Variants in ZMAT4 observed in about 807,000 individuals in gnomAD.
The protein encoded by ZMAT4 is zinc finger matrin-type protein 4.
Under a neutral mutation model 28.7 loss-of-function variants are expected in ZMAT4, and 17 were observed. The observed-to-expected ratio is 0.59, with a 90% CI of 0.41 to 0.89. The LOEUF (loss-of-function observed/expected upper bound fraction) is 0.89, where lower values mean the gene tolerates loss of function less well. Ranked by LOEUF, ZMAT4 falls within the 40% of genes least tolerant of loss-of-function variation. The pLI, the probability that ZMAT4 is intolerant of heterozygous loss-of-function variation, is 0.00. For missense variants in ZMAT4, 240 were observed against 283.8 expected (o/e 0.85, Z 1.11); for synonymous variants, 117 against 109.2 (o/e 1.07, Z -0.44).
chr8:40,570,719 A>G (rs1804069887), intron 6 of ZMAT4, among the ~76,000 whole-genome samples: 1 of 116,260 alleles, frequency 8.6e-6, no homozygotes, highest in Non-Finnish European at 1.7e-5. Context: ...AAAGAACAAC[A>G]ACGACAGAAA....
intron 2 of ZMAT4, among the ~76,000 whole-genome samples, chr8:40,812,471 G>A (rs550806661): frequency 1.9e-3 from 293 of 152,256 alleles, no homozygotes; most frequent in Non-Finnish European, 3.3e-3. Context: ...ATATTGTCAA[G>A]GTCATCCAAA....
chr8:40,532,016 A>G lies in ZMAT4; in HGVS notation c.*207T>C. On this transcript the variant is annotated 3_prime_UTR_variant, in exon 7 of 7. Coordinates refer to ENST00000297737, the MANE Select transcript of ZMAT4 (RefSeq NM_024645.3). ...GAATTTAAAAATCCATCCAAATATC[A>G]TAACTTACCCCAAAATTAAAAAAAG... is the stretch of plus-strand genomic sequence containing the variant. The G allele has an allele frequency of 2.5e-6, 1 of 405,088 alleles. No individual in the cohort carries two copies. Among genetic ancestry groups the G allele is most frequent in the Non-Finnish European group, 4.3e-6 (1 of 232,156 alleles). 25.1% of individuals were successfully genotyped at this position (405,088 alleles called of 1,614,324 possible).
intron 2 of ZMAT4, among the ~76,000 whole-genome samples, chr8:40,823,696 C>T (rs1586119353): frequency 6.6e-6 from 1 of 151,898 alleles, no homozygotes; most frequent in Admixed American, 6.6e-5. Flanking sequence ...TACATATACA[C>T]ACACACACAC....
chr8:40,896,347 C>A (rs893346323), intron 1 of ZMAT4, among the ~76,000 whole-genome samples: 1 of 152,116 alleles, frequency 6.6e-6, no homozygotes, highest in African/African-American at 2.4e-5. Context: ...TCCCCAGCTG[C>A]GGGTTTAACG....
chr8:40,821,627 CTGTTT>C lies in ZMAT4; in HGVS notation c.102+3943_102+3947del, dbSNP rs1156297585. 7.2e-5 allele frequency among the ~76,000 whole-genome samples: 11 copies of C among 152,166 alleles called. No individual in the cohort carries two copies. In the East Asian group the frequency reaches 2.1e-3, roughly 29 times the overall value. ...GTGCAGCTATTAGGCATTAACCCAT[CTGTTT>C]TGTTTTGCTCTCCTACTTTGGAAGA... On this transcript the variant is annotated intron_variant, in intron 2 of 6. Transcript: ENST00000297737.
intron 2 of ZMAT4, among the ~76,000 whole-genome samples, chr8:40,822,036 T>G (rs561630762): frequency 1.3e-5 from 2 of 152,226 alleles, no homozygotes; most frequent in Admixed American, 1.3e-4. Flanking sequence ...TATGCAAATA[T>G]CTACGAAGTT....
intron 6 of ZMAT4, among the ~76,000 whole-genome samples, chr8:40,536,318 C>T (rs1802845554): frequency 6.6e-6 from 1 of 152,192 alleles, no homozygotes; most frequent in South Asian, 2.1e-4. Context: ...TCCTCTGCAT[C>T]CCCTGCCCCA....
intron 2 of ZMAT4, among the ~76,000 whole-genome samples, chr8:40,786,449 A>ATTCATTCG (rs1318728695): frequency 1.3e-5 from 2 of 152,056 alleles, no homozygotes. Flanking sequence ...AGTACATGAC[A>ATTCATTCG]TTCATTCATT....
At chr8:40,733,888 C>T (rs553888919) in intron 3 of ZMAT4, among the ~76,000 whole-genome samples, 3 of 152,190 alleles carry the variant, frequency 2.0e-5, no homozygotes, top group East Asian at 3.9e-4. Context: ...CATCCTTGCC[C>T]TGAAGGTGCT....
chr8:40,576,964 C>T (rs141694445), intron 6 of ZMAT4, among the ~76,000 whole-genome samples: 1,701 of 152,128 alleles, frequency 0.011, 17 homozygotes, highest in African/African-American at 0.025. Context: ...GAGGCTGAGG[C>T]GGGCAGATCA....
At chr8:40,632,315 T>C (rs1192881519) in intron 5 of ZMAT4, among the ~76,000 whole-genome samples, 1 of 152,210 alleles carries the variant, frequency 6.6e-6, no homozygotes, top group East Asian at 1.9e-4. Flanking sequence ...AATAGTTTTA[T>C]AGATTTTTTT....
chr8:40,551,982 G>T (rs1055821645), intron 6 of ZMAT4, among the ~76,000 whole-genome samples: 2 of 152,128 alleles, frequency 1.3e-5, no homozygotes, highest in African/African-American at 2.4e-5. Flanking sequence ...AAATGTGCAC[G>T]CCTTAAGAAC....
intron 4 of ZMAT4, among the ~76,000 whole-genome samples, chr8:40,685,689 C>T (rs1304543496): frequency 1.3e-5 from 2 of 151,962 alleles, no homozygotes; most frequent in Non-Finnish European, 2.9e-5. Context: ...TGTGCACCAC[C>T]CACCAAGACC....
At chr8:40,662,609 A>G (rs1189938856) in intron 5 of ZMAT4, among the ~76,000 whole-genome samples, 1 of 152,188 alleles carries the variant, frequency 6.6e-6, no homozygotes, top group South Asian at 2.1e-4. Flanking sequence ...ATTAATAACA[A>G]TAACAGGCAA....
At chr8:40,702,893 G>A (rs1010361487) in intron 3 of ZMAT4, among the ~76,000 whole-genome samples, 5 of 152,142 alleles carry the variant, frequency 3.3e-5, no homozygotes, top group East Asian at 3.9e-4. Flanking sequence ...AAAGAAACAC[G>A]CATAGAGAGT....
In ZMAT4 at chr8:40,804,137, G is replaced by A. The variant is rs565338527; in HGVS notation, c.102+21438C>T. 4.6e-5 allele frequency among the ~76,000 whole-genome samples: 7 copies of A among 152,298 alleles called. No homozygotes were observed. The East Asian group carries it at 1.3e-3, about 29-fold the overall frequency. ...ATTCTTAGGGAAATACAGTTACTCT[G>A]TATGATACTATAATCCTAGACACAA... On this transcript the variant is annotated intron_variant, in intron 2 of 6. Coordinates refer to ENST00000297737, the MANE Select transcript of ZMAT4 (RefSeq NM_024645.3).
At chr8:40,848,491 G>A (rs1816988726) in intron 1 of ZMAT4, among the ~76,000 whole-genome samples, 1 of 152,194 alleles carries the variant, frequency 6.6e-6, no homozygotes, top group South Asian at 2.1e-4. Flanking sequence ...CTGGGCATGA[G>A]TCAGGCAGCT....
chr8:40,638,834 G>A (rs1341814822), intron 5 of ZMAT4, among the ~76,000 whole-genome samples: 2 of 152,208 alleles, frequency 1.3e-5, no homozygotes, highest in Non-Finnish European at 2.9e-5. Flanking sequence ...AAGGTAATAA[G>A]TATGGGGAAT....
intron 5 of ZMAT4, among the ~76,000 whole-genome samples, chr8:40,660,420 C>A (rs1029960145): frequency 1.3e-5 from 2 of 152,192 alleles, no homozygotes; most frequent in Non-Finnish European, 2.9e-5. Context: ...GCATTACCTG[C>A]TAGCTTAGAA....
Sources: allele counts gnomAD v4.1 joint callset (sites outside exome capture counted in the v4.1 genomes callset), GRCh38; gene constraint gnomAD v4.1.1; transcripts MANE v1.5; gene names NCBI Gene and HGNC (gene_info 2026-07-23, HGNC 2026-07-21).